Variants in IGSF5 observed in about 807,000 individuals in gnomAD.
IGSF5 encodes immunoglobulin superfamily 5 like.
IGSF5 carries 41 observed loss-of-function variants against 39.4 expected under a neutral mutation model. The observed-to-expected ratio is 1.04, with a 90% CI of 0.81 to 1.35. The LOEUF (loss-of-function observed/expected upper bound fraction) is 1.35. Among genes scored for constraint, IGSF5 ranks in the 40% most tolerant of loss-of-function variants. The pLI, the probability that IGSF5 is intolerant of heterozygous loss-of-function variation, is 0.00. For missense variants in IGSF5, 487 were observed against 494.6 expected (o/e 0.98, Z 0.15); for synonymous variants, 183 against 175.3 (o/e 1.04, Z -0.34).
chr21:39,719,585 C>T, the IGSF5 span, among the ~76,000 whole-genome samples: 8 of 152,152 alleles, frequency 5.3e-5, 1 homozygote, highest in African/African-American at 1.9e-4. Context: ...AATTGATCAG[C>T]AGTAATTGAT....
At chr21:39,757,957 C>T (rs1254126211) in intron 2 of IGSF5, among the ~76,000 whole-genome samples, 1 of 152,188 alleles carries the variant, frequency 6.6e-6, no homozygotes, top group African/African-American at 2.4e-5. Flanking sequence ...CGGGCACACA[C>T]CAGCTGCGGG....
intron 4 of IGSF5, among the ~76,000 whole-genome samples, chr21:39,773,723 C>A (rs766033667): frequency 3.9e-5 from 6 of 152,074 alleles, no homozygotes; most frequent in Admixed American, 2.0e-4. Flanking sequence ...CTCCAGAGAA[C>A]CAACCTTAAA....
At chr21:39,734,091 T>G in the IGSF5 span, among the ~76,000 whole-genome samples, 1 of 152,104 alleles carries the variant, frequency 6.6e-6, no homozygotes, top group African/African-American at 2.4e-5. Flanking sequence ...AAAAAATAGA[T>G]TTTCAATATG....
intron 2 of IGSF5, among the ~76,000 whole-genome samples, chr21:39,760,656 C>T (rs550745155): frequency 5.9e-5 from 9 of 152,090 alleles, no homozygotes; most frequent in Non-Finnish European, 8.8e-5. Flanking sequence ...CTGCAACCTC[C>T]GCCTCACATG....
the IGSF5 span, among the ~76,000 whole-genome samples, chr21:39,736,524 G>C: frequency 1.3e-5 from 2 of 151,952 alleles, no homozygotes; most frequent in African/African-American, 4.8e-5. Flanking sequence ...AAACCTGCAC[G>C]TTGTGAACAT....
the IGSF5 span, among the ~76,000 whole-genome samples, chr21:39,734,441 C>T: frequency 1.0e-3 from 73 of 70,310 alleles, no homozygotes; most frequent in South Asian, 6.9e-3. Context: ...AAAAAAAATA[C>T]ACACACACAC....
the IGSF5 span, among the ~76,000 whole-genome samples, chr21:39,720,460 A>G: frequency 1.3e-5 from 2 of 152,192 alleles, no homozygotes; most frequent in Admixed American, 6.5e-5. Flanking sequence ...CTCCATACCC[A>G]ATTTCCCCCA....
the IGSF5 span, chr21:39,727,920 C>G: frequency 2.0e-5 from 3 of 152,226 alleles, no homozygotes; most frequent in Non-Finnish European, 4.4e-5. Context: ...CTTTCTTCAT[C>G]AGGATTCCTC....
intron 3 of IGSF5, 21 bp from the exon 4 acceptor site, chr21:39,770,895 T>A: frequency 1.4e-6 from 2 of 1,456,450 alleles, no homozygotes; most frequent in Non-Finnish European, 1.8e-6. Flanking sequence ...CTTCAATGTG[T>A]TTCTCTCTTT....
chr21:39,732,383 G>A, the IGSF5 span, among the ~76,000 whole-genome samples: 1 of 152,176 alleles, frequency 6.6e-6, no homozygotes, highest in Non-Finnish European at 1.5e-5. Flanking sequence ...GTGACAATGT[G>A]ACATTCCTAT....
At position 39,755,062 on chromosome 21, in the gene IGSF5, A is replaced by C. The variant is rs570470157; in HGVS notation, c.100+8764A>C. ...TGAGTAAGTTAAGCAATCTATTCTTAGTCTGTTGCCTGACTCTACCTGCTT... is the reference window on the plus strand; with the variant it reads ...TGAGTAAGTTAAGCAATCTATTCTTCGTCTGTTGCCTGACTCTACCTGCTT... On this transcript the variant is annotated intron_variant, in intron 2 of 8. Transcript: ENST00000380588. Among the ~76,000 whole-genome samples the C allele has an allele frequency of 1.3e-3, 195 of 152,352 alleles. 8 individuals are homozygous for C. In the South Asian group the frequency reaches 0.039, roughly 30 times the overall value.
chr21:39,749,058 C>T (rs2079990468), intron 2 of IGSF5, among the ~76,000 whole-genome samples: 1 of 152,050 alleles, frequency 6.6e-6, no homozygotes, highest in Admixed American at 6.6e-5. Context: ...ATGTTTATGC[C>T]TTATGCATAT....
At chr21:39,787,694 A>C (rs1304110212) in intron 5 of IGSF5, among the ~76,000 whole-genome samples, 2 of 152,114 alleles carry the variant, frequency 1.3e-5, no homozygotes, top group Non-Finnish European at 2.9e-5. Context: ...TAAAAATATA[A>C]TAACAGTAAC....
At chr21:39,716,551 G>A in the IGSF5 span, among the ~76,000 whole-genome samples, 1 of 152,020 alleles carries the variant, frequency 6.6e-6, no homozygotes, top group African/African-American at 2.4e-5. Context: ...CTTTGTGTTC[G>A]TAAGTTCTTA....
intron 5 of IGSF5, among the ~76,000 whole-genome samples, chr21:39,784,773 A>G (rs977722840): frequency 1.3e-5 from 2 of 152,204 alleles, no homozygotes; most frequent in Admixed American, 6.5e-5. Context: ...GGATTTCTCT[A>G]TGATGATTAT....
At chr21:39,765,495 T>G in intron 2 of IGSF5, 40 bp from the exon 3 acceptor site, 1 of 1,561,604 alleles carries the variant, frequency 6.4e-7, no homozygotes, top group Non-Finnish European at 8.8e-7. Flanking sequence ...TTTATGGAGA[T>G]CCATTCATTT....
chr21:39,749,869 C>A (rs2079995931), intron 2 of IGSF5, among the ~76,000 whole-genome samples: 1 of 152,182 alleles, frequency 6.6e-6, no homozygotes, highest in South Asian at 2.1e-4. Context: ...GCAGAGAAAG[C>A]AATCAGATAC....
At chr21:39,728,567 G>A in the IGSF5 span, among the ~76,000 whole-genome samples, 1 of 152,142 alleles carries the variant, frequency 6.6e-6, no homozygotes, top group Non-Finnish European at 1.5e-5. Flanking sequence ...GGTGGTCATG[G>A]CAGCCTCAGG....
chr21:39,793,580 A>G lies in IGSF5; in HGVS notation c.1095A>G (p.Glu365=), dbSNP rs2086977768. 3 of 1,614,088 alleles carry G rather than the reference A, an allele frequency of 1.9e-6. No individual in the cohort carries two copies. Among genetic ancestry groups the G allele is most frequent in the Admixed American group, 1.7e-5 (1 of 60,008 alleles). Residue 365 remains glutamate, a synonymous_variant, in exon 8 of 9, where the codon GAA becomes GAG. Coordinates refer to ENST00000380588, the MANE Select transcript of IGSF5 (RefSeq NM_001080444.2). Reference sequence around the variant, plus strand: ...AATCCTGTGAATCCAGTGATCCTGAACAAAGAAACAGTAGCTGTGGCCCTC... The same window carrying G: ...AATCCTGTGAATCCAGTGATCCTGAGCAAAGAAACAGTAGCTGTGGCCCTC... ...PPKSCESSDP[E]QRNSSCGPPH...
Sources: allele counts gnomAD v4.1 joint callset (sites outside exome capture counted in the v4.1 genomes callset), GRCh38; gene constraint gnomAD v4.1.1; transcripts MANE v1.5; gene names NCBI Gene and HGNC (gene_info 2026-07-23, HGNC 2026-07-21).